NEK1: variants seen among roughly 807,000 people sequenced by gnomAD.
NEK1 encodes NIMA related kinase 1.
Under a neutral mutation model 182.1 loss-of-function variants are expected in NEK1, and 137 were observed. That is an observed-to-expected ratio of 0.75 (90% CI 0.65 to 0.87). The LOEUF is 0.87. Among genes scored for constraint, NEK1 ranks in the 40% least tolerant of loss-of-function variants. NEK1 has a pLI of 0.00. For synonymous variants in NEK1, 513 were observed against 492.2 expected (o/e 1.04, Z -0.56); for missense variants, 1,391 against 1,494.4 (o/e 0.93, Z 1.14).
intron 18 of NEK1, among the ~76,000 whole-genome samples, chr4:169,545,025 G>C (rs1236892565): frequency 8.1e-5 from 12 of 147,822 alleles, no homozygotes; most frequent in African/African-American, 3.0e-4. Context: ...TCTAGCTTTT[G>C]AATTTGTTTG....
rs767831432 is a variant in NEK1, at chr4:169,555,820, G to A, written c.1462C>T (p.Pro488Ser). 1.2e-6 allele frequency: 2 copies of A among 1,613,846 alleles called. No individual in the cohort carries two copies. The highest frequency in any genetic ancestry group is 2.2e-5 in the South Asian group (2 of 91,078). The change falls in exon 18 of 36, where the codon CCT (proline) becomes TCT (serine). Residue 488 changes from proline (P) to serine (S), a missense_variant. Pro to Ser is a moderately conservative substitution (Grantham distance 74, BLOSUM62 -1). This residue lies in a region of NEK1 where 1,216 missense variants were observed against 1,277.6 expected (regional missense o/e 0.95). Transcript: ENST00000507142. Reference protein sequence around the residue: ...GILPGVRPGFPYGAAGHHHFP... With the variant: ...GILPGVRPGFSYGAAGHHHFP... ...TGGTGATGACCTGCAGCCCCATAAG[G>A]AAATCCTGGACGAACTCCAGGCAGA...
chr4:169,473,263 C>T (rs1174989453), intron 26 of NEK1, among the ~76,000 whole-genome samples: 1 of 139,914 alleles, frequency 7.1e-6, no homozygotes, highest in African/African-American at 2.7e-5. Context: ...AAAAAAAAAA[C>T]TGCATATTCT....
chr4:169,463,925 A>C (rs1453358309), intron 26 of NEK1, among the ~76,000 whole-genome samples: 1 of 152,116 alleles, frequency 6.6e-6, no homozygotes, highest in Non-Finnish European at 1.5e-5. Context: ...GAACCACCAC[A>C]AAGGGCCTCA....
At chr4:169,590,654 AT>A in intron 6 of NEK1, 71 bp downstream of exon 6, 11 of 1,090,332 alleles carry the variant, frequency 1.0e-5, no homozygotes, top group South Asian at 1.5e-5. Context: ...AGGTTCAAAA[AT>A]TTTTGGCCCA....
At chr4:169,583,663 A>G (rs1767051077) in intron 10 of NEK1, among the ~76,000 whole-genome samples, 1 of 152,228 alleles carries the variant, frequency 6.6e-6, no homozygotes, top group South Asian at 2.1e-4. Context: ...AAGAAACCTC[A>G]GCAAGACTAA....
At chr4:169,514,277 C>T (rs984862315) in intron 19 of NEK1, among the ~76,000 whole-genome samples, 8 of 152,082 alleles carry the variant, frequency 5.3e-5, no homozygotes, top group Admixed American at 1.3e-4. Context: ...CGTGAGCCAC[C>T]GCACCCGGCA....
At chr4:169,451,595 A>G (rs887704537) in intron 27 of NEK1, among the ~76,000 whole-genome samples, 2 of 152,254 alleles carry the variant, frequency 1.3e-5, no homozygotes, top group Non-Finnish European at 2.9e-5. Context: ...CAATGAGAAC[A>G]AAGACACAAC....
intron 5 of NEK1, among the ~76,000 whole-genome samples, chr4:169,598,799 C>T (rs557613427): frequency 6.6e-6 from 1 of 152,076 alleles, no homozygotes; most frequent in African/African-American, 2.4e-5. Flanking sequence ...CAGCAGTAAG[C>T]CAGATTGACA....
In NEK1 at chr4:169,587,571, T is replaced by G; in HGVS notation, c.594A>C (p.Thr198=). 1 of 1,529,318 alleles carries G rather than the reference T, an allele frequency of 6.5e-7. No homozygotes were observed. Among genetic ancestry groups the G allele is most frequent in the Non-Finnish European group, 8.8e-7 (1 of 1,131,908 alleles). 94.7% of individuals were successfully genotyped at this position (1,529,318 alleles called of 1,614,324 possible). A position where few individuals can be genotyped will look rare whatever the true frequency, so the allele number is the denominator to read the frequency against. The change falls in exon 9 of 36, where the codon ACA becomes ACC. Residue 198 remains threonine (T), a synonymous_variant. Coordinates refer to ENST00000507142, the MANE Select transcript of NEK1 (RefSeq NM_001199397.3). ...AACTTCTACTTACAGCATGTTTAAG[T>G]GTACACAGCTCATAAAGGACACACC... ...ALGCVLYELC[T]LKHAFEAGSM...
intron 18 of NEK1, among the ~76,000 whole-genome samples, chr4:169,553,503 A>G (rs115544526): frequency 0.019 from 2,884 of 152,292 alleles, 50 homozygotes; most frequent in Middle Eastern, 0.1. Context: ...GAAACAATTG[A>G]TATGCTGGAC....
chr4:169,510,051 C>T (rs1273371359), intron 19 of NEK1, among the ~76,000 whole-genome samples: 2 of 152,118 alleles, frequency 1.3e-5, no homozygotes, highest in Admixed American at 1.3e-4. Context: ...TAAAAAGTCT[C>T]TCTTCTCTTT....
At chr4:169,482,711 A>T (rs1748291488) in intron 23 of NEK1, among the ~76,000 whole-genome samples, 1 of 151,688 alleles carries the variant, frequency 6.6e-6, no homozygotes, top group South Asian at 2.1e-4. Context: ...TGGCTCAGTG[A>T]AACCTCCGCC....
chr4:169,524,000 T>C (rs2149761457), intron 19 of NEK1, among the ~76,000 whole-genome samples: 1 of 152,354 alleles, frequency 6.6e-6, no homozygotes, highest in East Asian at 1.9e-4. Context: ...TGCTGTTTCA[T>C]CATTTTTGTA....
intron 31 of NEK1, among the ~76,000 whole-genome samples, chr4:169,410,645 C>T (rs1733515023): frequency 1.3e-5 from 2 of 152,186 alleles, no homozygotes; most frequent in Admixed American, 6.5e-5. Flanking sequence ...TAATTTAAAA[C>T]TTAGGAACAC....
At chr4:169,415,758 C>T (rs1734440914) in intron 31 of NEK1, among the ~76,000 whole-genome samples, 1 of 152,172 alleles carries the variant, frequency 6.6e-6, no homozygotes, top group Non-Finnish European at 1.5e-5. Context: ...ATCAACTAAG[C>T]CACTAACTAC....
intron 12 of NEK1, among the ~76,000 whole-genome samples, chr4:169,570,460 G>A (rs1249679684): frequency 6.6e-6 from 1 of 150,840 alleles, no homozygotes; most frequent in Non-Finnish European, 1.5e-5. Flanking sequence ...GGAGGTGGGG[G>A]GATCAGCCCC....
chr4:169,488,263 C>G (rs745608614), intron 23 of NEK1, among the ~76,000 whole-genome samples: 12 of 151,998 alleles, frequency 7.9e-5, no homozygotes, highest in Admixed American at 1.3e-4. Context: ...GTGTCCTGAA[C>G]GATACTGCCT....
chr4:169,570,198 G>A (rs1764494484), intron 12 of NEK1, among the ~76,000 whole-genome samples: 1 of 151,998 alleles, frequency 6.6e-6, no homozygotes, highest in South Asian at 2.1e-4. Context: ...CGTCTGGGAG[G>A]TGAGGAGCGT....
chr4:169,602,554 T>C lies in NEK1; in HGVS notation c.77A>G (p.Asp26Gly), dbSNP rs749503943. The C allele has an allele frequency of 1.2e-6, 2 of 1,607,176 alleles. 1 individual carries two copies. The highest frequency in any genetic ancestry group is 2.2e-5 in the South Asian group (2 of 90,682). Residue 26 changes from aspartate (D) to glycine (G), a missense_variant, in exon 3 of 36, where the codon GAT becomes GGT. Physicochemically the swap from Asp to Gly is moderately conservative, Grantham distance 94. This residue lies in a region of NEK1 where 42 missense variants were observed against 47.9 expected (regional missense o/e 0.88). Coordinates refer to ENST00000507142, the MANE Select transcript of NEK1 (RefSeq NM_001199397.3). ...TTCCTTGATAACATACTGTCTGCCA[T>C]CTTCTGTAGATTTAACAAGAATGGC... is the stretch of plus-strand genomic sequence containing the variant. ...GKAILVKSTE[D>G]GRQYVIKEIN...
Sources: allele counts gnomAD v4.1 joint callset (sites outside exome capture counted in the v4.1 genomes callset), GRCh38; gene constraint gnomAD v4.1.1; regional missense constraint gnomAD v4.1.1; transcripts MANE v1.5; gene names NCBI Gene and HGNC (gene_info 2026-07-23, HGNC 2026-07-21).